Variants in IL17RE observed in about 807,000 individuals in gnomAD.
The protein encoded by IL17RE is interleukin-17 receptor E.
IL17RE carries 47 observed loss-of-function variants against 70.7 expected under a neutral mutation model. That is an observed-to-expected ratio of 0.67 (90% CI 0.53 to 0.85). The LOEUF (loss-of-function observed/expected upper bound fraction) is 0.85. IL17RE is among the 40% of genes least tolerant of loss of function. The probability of loss-of-function intolerance (pLI) is 0.00; values close to 1 mark genes in which losing one functional copy is unlikely to be tolerated. For missense variants in IL17RE, 850 were observed against 893.9 expected, an observed-to-expected ratio of 0.95 and a Z score of 0.63; for synonymous variants, 372 against 381.2, an observed-to-expected ratio of 0.98 and a Z score of 0.28.
At position 9,915,202 on chromosome 3, in the gene IL17RE, G is replaced by A. The variant is rs764049862; in HGVS notation, c.1448-49G>A. On this transcript the variant is annotated intron_variant, in intron 15 of 15. Coordinates refer to ENST00000383814, the MANE Select transcript of IL17RE (RefSeq NM_153480.2). The surrounding 1 kb of genome is among the most constrained non-coding windows in gnomAD (Gnocchi z 4.9). Reference sequence around the variant, plus strand: ...CCGAGAGGGTGGGGAGAAGAGGGCTGAGCAGTCCCTCAGCCGCCCAGCCTT... The same window carrying A: ...CCGAGAGGGTGGGGAGAAGAGGGCTAAGCAGTCCCTCAGCCGCCCAGCCTT... 5.3e-4 allele frequency: 726 copies of A among 1,363,450 alleles called. 2 individuals are homozygous for A. Among genetic ancestry groups the A allele is most frequent in the Non-Finnish European group, 6.6e-4 (703 of 1,062,670 alleles). 84.5% of individuals were successfully genotyped at this position (1,363,450 alleles called of 1,614,324 possible).
At chr3:9,909,070 C>T in intron 7 of IL17RE, 147 bp from the exon 8 acceptor site, 1 of 640,264 alleles carries the variant, frequency 1.6e-6, no homozygotes, top group African/African-American at 1.8e-5. Flanking sequence ...TTGCCCCCAC[C>T]CCACATTGCC....
chr3:9,903,431 C>G lies in IL17RE; in HGVS notation c.148+19C>G. ...TTCACTGGTGAGTCGCATTTCCTGC[C>G]CCATTGCTCCTCCCCACGCCCACTA... On this transcript the variant is annotated intron_variant, in intron 2 of 15. Transcript: ENST00000383814. 3.1e-6 allele frequency: 5 copies of G among 1,613,852 alleles called. No individual in the cohort carries two copies. Among genetic ancestry groups the G allele is most frequent in the Non-Finnish European group, 4.2e-6 (5 of 1,179,786 alleles).
Position 9,906,345 on chromosome 3 carries a change from G to A in IL17RE, c.269-19G>A. The A allele has an allele frequency of 1.3e-6, 2 of 1,547,146 alleles. No homozygotes were observed. The highest frequency in any genetic ancestry group is 2.2e-5 in the East Asian group (1 of 44,558). ...GGGGGTAATGAGGGCTAGATAGTAA[G>A]TACGTCTCCCCTGCACAGGTCTTCA... On this transcript the variant is annotated intron_variant, in intron 3 of 15. Transcript: ENST00000383814.
At chr3:9,902,495 A>G (rs568451360), upstream of IL17RE, 47 of 855,060 alleles carry the variant, frequency 5.5e-5, no homozygotes, top group Non-Finnish European at 6.6e-5. Context: ...AGTGCTTAAG[A>G]GCTCGGCTAA....
Position 9,915,107 on chromosome 3 carries a change from T to C in IL17RE, c.1448-144T>C. ...TAAGCACCCTATAGGCTAGGGCTGT[T>C]TTCGGTACCAACCCCCAGAGCAAAT... On this transcript the variant is annotated intron_variant, in intron 15 of 15. Transcript: ENST00000383814. The surrounding 1 kb of genome is among the most constrained non-coding windows in gnomAD (Gnocchi z 4.9). The C allele has an allele frequency of 8.3e-7, 1 of 1,202,842 alleles. No homozygotes were observed. 74.5% of individuals were successfully genotyped at this position (1,202,842 alleles called of 1,614,324 possible).
intron 5 of IL17RE, 22 bp from the exon 6 acceptor site, chr3:9,906,939 A>G (rs1327381163): frequency 6.2e-7 from 1 of 1,614,034 alleles, no homozygotes; most frequent in Non-Finnish European, 8.5e-7. Context: ...AGACAAGGCC[A>G]CTGAGTCCTT....
At chr3:9,912,362 C>G (rs897356536) in intron 12 of IL17RE, among the ~76,000 whole-genome samples, 4 of 152,154 alleles carry the variant, frequency 2.6e-5, no homozygotes, top group Admixed American at 1.3e-4. Flanking sequence ...GATGCCTTCC[C>G]TTGAACCCAG....
In IL17RE at chr3:9,906,387, C is replaced by T. The variant is rs1253075170; in HGVS notation, c.292C>T (p.Leu98Phe). 1 of 1,613,954 alleles carries T rather than the reference C, an allele frequency of 6.2e-7. No individual in the cohort carries two copies. Among genetic ancestry groups the T allele is most frequent in the Non-Finnish European group, 8.5e-7 (1 of 1,179,878 alleles). Residue 98 changes from leucine to phenylalanine, a missense_variant, in exon 4 of 16, where the codon CTC becomes TTC. Coordinates refer to ENST00000383814, the MANE Select transcript of IL17RE (RefSeq NM_153480.2). ...AGGTCTTCAACGGGGCCTCTTCCAC[C>T]TCCTGGTGCAGAAATCCAAAAAGTC... The part of the protein sequence containing the change: ...GSGLQRGLFH[L>F]LVQKSKKSST...
intron 3 of IL17RE, 101 bp from the exon 4 acceptor site, chr3:9,906,263 T>C (rs1261475740): frequency 4.0e-6 from 2 of 504,610 alleles, no homozygotes; most frequent in Non-Finnish European, 6.8e-6. Flanking sequence ...AATAAATAAA[T>C]AAATAAAATA....
chr3:9,907,385 A>AT (rs2125078425), intron 6 of IL17RE, among the ~76,000 whole-genome samples: 1 of 150,700 alleles, frequency 6.6e-6, no homozygotes, highest in South Asian at 2.1e-4. Context: ...AAATAAATAA[A>AT]TAAATTAATT....
intron 3 of IL17RE, among the ~76,000 whole-genome samples, chr3:9,904,800 T>G (rs1201729158): frequency 6.7e-6 from 1 of 150,002 alleles, no homozygotes; most frequent in Non-Finnish European, 1.5e-5. Flanking sequence ...AAAAAAGAAT[T>G]GGCAGTTTCT....
intron 12 of IL17RE, among the ~76,000 whole-genome samples, chr3:9,913,442 CAT>C (rs1336461433): frequency 6.6e-6 from 1 of 151,504 alleles, no homozygotes; most frequent in Non-Finnish European, 1.5e-5. Context: ...AATAAACAAA[CAT>C]AAAAAAATTA....
At position 9,911,012 on chromosome 3, in the gene IL17RE, C is replaced by G; in HGVS notation, c.950C>G (p.Pro317Arg). ...TGGCATACCCTTTGCAAAGACCTCCCGAATGCCACAGCTCGAGAGTCAGAT... is the reference window on the plus strand; with the variant it reads ...TGGCATACCCTTTGCAAAGACCTCCGGAATGCCACAGCTCGAGAGTCAGAT... Reference protein sequence around the residue: ...HDWHTLCKDLPNATARESDGW... With the variant: ...HDWHTLCKDLRNATARESDGW... Residue 317 changes from proline to arginine, a missense_variant, in exon 9 of 16, where the codon CCG (proline) becomes CGG (arginine). Coordinates refer to ENST00000383814, the MANE Select transcript of IL17RE (RefSeq NM_153480.2). 1 of 1,614,144 alleles carries G rather than the reference C, an allele frequency of 6.2e-7. No individual in the cohort carries two copies. The highest frequency in any genetic ancestry group is 8.5e-7 in the Non-Finnish European group (1 of 1,180,028).
intron 1 of IL17RE, 82 bp downstream of exon 1, chr3:9,903,146 C>T: frequency 7.7e-7 from 1 of 1,291,784 alleles, no homozygotes; most frequent in Non-Finnish European, 1.1e-6. Context: ...TGTGCTACCT[C>T]CGCAGTCCCT....
At chr3:9,910,372 AAAAAAC>A (rs1264989789) in intron 8 of IL17RE, 1 of 159,260 alleles carries the variant, frequency 6.3e-6, no homozygotes, top group Non-Finnish European at 1.4e-5. Context: ...GTCTCAAAAA[AAAAAAC>A]AAAAAACAGA....
intron 12 of IL17RE, among the ~76,000 whole-genome samples, chr3:9,913,425 A>G (rs147149681): frequency 3.2e-4 from 49 of 152,108 alleles, no homozygotes; most frequent in African/African-American, 1.1e-3. Flanking sequence ...AAATAAATAA[A>G]TAAATAAATA....
chr3:9,908,203 G>A, intron 6 of IL17RE, 36 bp from the exon 7 acceptor site: 1 of 1,582,164 alleles, frequency 6.3e-7, no homozygotes, highest in Non-Finnish European at 8.7e-7. Context: ...CTCTTTCTCA[G>A]GCATCTTTTG....
intron 2 of IL17RE, 22 bp from the exon 3 acceptor site, chr3:9,904,010 C>T (rs1189616807): frequency 6.2e-7 from 1 of 1,613,880 alleles, no homozygotes; most frequent in Admixed American, 1.7e-5. Context: ...CTATCATTTG[C>T]TTTCCCTTCC....
intron 11 of IL17RE, 45 bp downstream of exon 11, chr3:9,911,345 A>C: frequency 1.2e-6 from 2 of 1,613,390 alleles, no homozygotes; most frequent in Non-Finnish European, 1.7e-6. Flanking sequence ...GCCCCATTTC[A>C]TCCTCACCCA....
Sources: gnomAD v4.1 joint callset for allele counts (sites outside exome capture counted in the v4.1 genomes callset) on GRCh38, gnomAD v4.1.1 for gene constraint, Gnocchi (gnomAD v3.1) non-coding constraint, MANE v1.5 for transcripts, NCBI Gene and HGNC (gene_info 2026-07-23, HGNC 2026-07-21) for gene names.